Variants in GSDMC observed in about 807,000 individuals in gnomAD.
GSDMC encodes gasdermin C, also known as gasdermin-C.
Under a neutral mutation model 58.0 loss-of-function variants are expected in GSDMC, and 59 were observed. The ratio of observed to expected loss-of-function variants is 1.02; its 90% confidence interval spans 0.82 to 1.26. The LOEUF (loss-of-function observed/expected upper bound fraction) is 1.26. GSDMC is among the 50% of genes most tolerant of loss of function. The probability of loss-of-function intolerance (pLI) is 0.00; values close to 1 mark genes in which losing one functional copy is unlikely to be tolerated. For synonymous variants in GSDMC, 241 were observed against 220.2 expected (o/e 1.09, Z -0.83); for missense variants, 659 against 598.5 (o/e 1.10, Z -1.06).
In GSDMC at chr8:129,769,829, A is replaced by G. The variant is rs2033991487; in HGVS notation, c.405-4036T>C. 2.6e-5 allele frequency among the ~76,000 whole-genome samples: 4 copies of G among 152,212 alleles called. No individual in the cohort carries two copies. In the South Asian group the frequency reaches 8.3e-4, roughly 32 times the overall value. The stretch of plus-strand genomic sequence containing the variant: ...TGTCCTTCAGAGATAAAAGAGAGAT[A>G]AAGACTTTCCCAAACAAAAGCTGAG... On this transcript the variant is annotated intron_variant, in intron 3 of 13. Coordinates refer to ENST00000276708, the MANE Select transcript of GSDMC (RefSeq NM_031415.3).
the GSDMC span, chr8:129,730,033 G>T: frequency 7.8e-7 from 1 of 1,276,742 alleles, no homozygotes; most frequent in South Asian, 1.3e-5. Context: ...AGGATGAGAA[G>T]GAAAAGGAGT....
chr8:129,762,591 C>A, intron 5 of GSDMC, 35 bp downstream of exon 5: 1 of 1,266,468 alleles, frequency 7.9e-7, no homozygotes, highest in East Asian at 2.3e-5. Flanking sequence ...ACCCCCTCCA[C>A]TGCCATCTGC....
intron 11 of GSDMC, 59 bp downstream of exon 11, chr8:129,750,372 C>A: frequency 6.5e-7 from 1 of 1,533,554 alleles, no homozygotes; most frequent in Admixed American, 1.9e-5. Context: ...GGAGTCATAT[C>A]TCCTAACCAA....
chr8:129,713,985 A>G, the GSDMC span, among the ~76,000 whole-genome samples: 1 of 152,194 alleles, frequency 6.6e-6, no homozygotes, highest in African/African-American at 2.4e-5. Context: ...GCAGACAGTT[A>G]TAATACTGAG....
Position 129,750,054 on chromosome 8 carries a change from C to T in GSDMC, c.1149G>A (p.Gln383=). The T allele has an allele frequency of 6.2e-7, 1 of 1,610,554 alleles. No homozygotes were observed. Among genetic ancestry groups the T allele is most frequent in the Non-Finnish European group, 8.5e-7 (1 of 1,178,184 alleles). Residue 383 remains glutamine, a synonymous_variant, in exon 12 of 14, where the codon CAG becomes CAA. Coordinates refer to ENST00000276708, the MANE Select transcript of GSDMC (RefSeq NM_031415.3). ...GGTTAAACCATGCATGGTTTGAATC[C>T]TGTTGAAGTTTCTTTAGGATGGCAC... ...PGGAILKKLQ[Q]DSNHAWFNPK...
the GSDMC span, among the ~76,000 whole-genome samples, chr8:129,738,735 C>T: frequency 6.6e-6 from 1 of 152,098 alleles, no homozygotes; most frequent in Non-Finnish European, 1.5e-5. Context: ...AGCACACCAA[C>T]ATGGCTTATG....
the GSDMC span, among the ~76,000 whole-genome samples, chr8:129,731,836 G>A: frequency 5.9e-5 from 9 of 152,126 alleles, no homozygotes; most frequent in Non-Finnish European, 1.0e-4. Context: ...AAAAATATAT[G>A]ACCAAATAGT....
At chr8:129,737,139 G>A in the GSDMC span, among the ~76,000 whole-genome samples, 1 of 152,178 alleles carries the variant, frequency 6.6e-6, no homozygotes. Context: ...TGAAATAAAA[G>A]AGGACACAAA....
In GSDMC at chr8:129,752,738, G is replaced by T; in HGVS notation, c.804C>A (p.Thr268=). 1 of 1,614,214 alleles carries T rather than the reference G, an allele frequency of 6.2e-7. No homozygotes were observed. Among genetic ancestry groups the T allele is most frequent in the Non-Finnish European group, 8.5e-7 (1 of 1,180,028 alleles). The change falls in exon 7 of 14, where the codon ACC becomes ACA. Residue 268 remains threonine, a synonymous_variant. Transcript: ENST00000276708. The part of the protein sequence containing the change: ...LLPSFHTISP[T]LFNASSNDMK... Reference sequence around the variant, plus strand: ...TATCATTGGATGAGGCATTGAAGAGGGTTGGAGAGATGGTATGAAATGATG... The same window carrying T: ...TATCATTGGATGAGGCATTGAAGAGTGTTGGAGAGATGGTATGAAATGATG...
chr8:129,730,532 A>T, the GSDMC span: 4 of 442,602 alleles, frequency 9.0e-6, no homozygotes, highest in Middle Eastern at 6.7e-4. Flanking sequence ...TTATTCTCTT[A>T]AAAAACATGA....
At chr8:129,752,971 C>G (rs1258390836) in intron 6 of GSDMC, 151 bp from the exon 7 acceptor site, 1 of 1,347,144 alleles carries the variant, frequency 7.4e-7, no homozygotes, top group East Asian at 2.5e-5. Context: ...GAGGAATTGC[C>G]CATTCCTTCT....
chr8:129,725,457 G>A, the GSDMC span, among the ~76,000 whole-genome samples: 26 of 152,192 alleles, frequency 1.7e-4, no homozygotes, highest in African/African-American at 5.8e-4. Context: ...TGGCATCTCA[G>A]TTACTTATCA....
rs763783550 is a variant in GSDMC, at chr8:129,750,548, C to T, written c.966G>A (p.Glu322=). ...CCAGTGTCTTTATTTTCTGGAAAAC[C>T]TCCTCTTGTAGATGCTTGAAATCTG... is the stretch of plus-strand genomic sequence containing the variant. ...FWQNFKHLQE[E]VFQKIKTLAQ... is the part of the protein sequence containing the mutation. The change falls in exon 11 of 14, where the codon GAG becomes GAA. Residue 322 remains glutamate, a synonymous_variant. Transcript: ENST00000276708. 2 of 1,614,022 alleles carry T rather than the reference C, an allele frequency of 1.2e-6. No homozygotes were observed. The highest frequency in any genetic ancestry group is 1.7e-6 in the Non-Finnish European group (2 of 1,179,924).
At chr8:129,719,776 C>G in the GSDMC span, among the ~76,000 whole-genome samples, 1 of 152,096 alleles carries the variant, frequency 6.6e-6, no homozygotes, top group Non-Finnish European at 1.5e-5. Context: ...GAAACCCCGT[C>G]TCTACTAAAA....
chr8:129,764,498 T>A (rs566763783), intron 4 of GSDMC, among the ~76,000 whole-genome samples: 55 of 152,292 alleles, frequency 3.6e-4, no homozygotes, highest in African/African-American at 1.3e-3. Flanking sequence ...ATTTTCCTTT[T>A]CCATTATGGC....
the GSDMC span, among the ~76,000 whole-genome samples, chr8:129,732,740 A>G: frequency 6.6e-6 from 1 of 152,216 alleles, no homozygotes; most frequent in South Asian, 2.1e-4. Flanking sequence ...TCCCAGTGTG[A>G]TTGATGCAGA....
In GSDMC at chr8:129,749,988, AC is replaced by A; in HGVS notation, c.1213+1del. The A allele has an allele frequency of 6.3e-7, 1 of 1,588,974 alleles. No homozygotes were observed. Among genetic ancestry groups the A allele is most frequent in the African/African-American group, 1.4e-5 (1 of 73,362 alleles). ...CCCATTCTTCCCTTTAATTACTCTT[AC>A]CCATTATGGCTTCAAGGAGATAAAG... On this transcript the variant is annotated splice_donor_variant, in intron 12 of 13. Coordinates refer to ENST00000276708, the MANE Select transcript of GSDMC (RefSeq NM_031415.3). LOFTEE classifies it high-confidence loss of function.
At chr8:129,750,652 C>T (rs752009702) in intron 10 of GSDMC, 82 bp from the exon 11 acceptor site, 48 of 1,387,718 alleles carry the variant, frequency 3.5e-5, no homozygotes, top group Non-Finnish European at 4.5e-5. Flanking sequence ...CCTGTTTGCA[C>T]GAATATGAAC....
At chr8:129,778,082 G>C (rs1169127357) in intron 1 of GSDMC, among the ~76,000 whole-genome samples, 2 of 152,194 alleles carry the variant, frequency 1.3e-5, no homozygotes, top group Non-Finnish European at 2.9e-5. Context: ...CTTATGTTAA[G>C]ATGATATGAG....
Sources: gnomAD v4.1 joint callset for allele counts (sites outside exome capture counted in the v4.1 genomes callset) on GRCh38, gnomAD v4.1.1 for gene constraint, MANE v1.5 for transcripts, NCBI Gene and HGNC (gene_info 2026-07-23, HGNC 2026-07-21) for gene names.